TRAPPC8: variants seen among roughly 807,000 people sequenced by gnomAD.
TRAPPC8 encodes the protein general sporulation gene 1 homolog.
In TRAPPC8, 54 loss-of-function variants were observed where a neutral mutation model predicts 174.3. The ratio of observed to expected loss-of-function variants is 0.31; its 90% CI spans 0.25 to 0.39. The LOEUF is 0.39. Among genes scored for constraint, TRAPPC8 ranks in the 10% least tolerant of loss-of-function variants. TRAPPC8 has a pLI of 1.00. For synonymous variants in TRAPPC8, 630 were observed against 579.9 expected (o/e 1.09, Z -1.24); for missense variants, 1,531 against 1,699.1 (o/e 0.90, Z 1.74).
chr18:31,873,007 C>CTTTTTTTTTTT (rs59209328), intron 14 of TRAPPC8, among the ~76,000 whole-genome samples: 2 of 74,600 alleles, frequency 2.7e-5, no homozygotes, highest in Admixed American at 1.5e-4. Context: ...ATTCATTTTC[C>CTTTTTTTTTTT]TTTTTTTTTT....
intron 1 of TRAPPC8, among the ~76,000 whole-genome samples, chr18:31,940,849 C>T (rs2038304815): frequency 6.6e-6 from 1 of 152,166 alleles, no homozygotes; most frequent in South Asian, 2.1e-4. Context: ...TTAGACAGCA[C>T]TGCTCTATGG....
intron 27 of TRAPPC8, among the ~76,000 whole-genome samples, chr18:31,835,945 G>C (rs1395591366): frequency 3.3e-5 from 5 of 152,176 alleles, no homozygotes; most frequent in Admixed American, 2.0e-4. Flanking sequence ...GCACAGACGG[G>C]AACCCAAGTT....
At chr18:31,846,614 C>A in intron 26 of TRAPPC8, 102 bp downstream of exon 26, 4 of 882,002 alleles carry the variant, frequency 4.5e-6, no homozygotes, top group South Asian at 1.9e-5. Context: ...AAAACCTGAA[C>A]AAACCAGACC....
intron 18 of TRAPPC8, among the ~76,000 whole-genome samples, chr18:31,865,542 ACT>A (rs1027716549): frequency 6.6e-6 from 1 of 151,814 alleles, no homozygotes; most frequent in African/African-American, 2.4e-5. Flanking sequence ...AATCATGAAA[ACT>A]CTGCTTAGAA....
At chr18:31,873,248 ACCT>A (rs1402247619) in intron 14 of TRAPPC8, among the ~76,000 whole-genome samples, 179 bp downstream of exon 14, 1 of 151,942 alleles carries the variant, frequency 6.6e-6, no homozygotes, top group Non-Finnish European at 1.5e-5. Context: ...CGATCTCCTG[ACCT>A]CATGATCTGC....
intron 2 of TRAPPC8, among the ~76,000 whole-genome samples, chr18:31,920,108 A>T (rs2037320687): frequency 6.6e-6 from 1 of 152,214 alleles, no homozygotes; most frequent in South Asian, 2.1e-4. Context: ...ATTATCGTTA[A>T]ATAGAAAGGG....
At chr18:31,832,564 T>A (rs1395607682) in intron 27 of TRAPPC8, 1 of 152,254 alleles carries the variant, frequency 6.6e-6, no homozygotes, top group Non-Finnish European at 1.5e-5. Context: ...TAAAAATTAC[T>A]TAATTTTGAG....
chr18:31,849,928 C>G lies in TRAPPC8; in HGVS notation c.3562-189G>C, dbSNP rs114863384. ...AATACAGGGAGGCCACTTGAACATT[C>G]AAAAGATTTGGTACAAATTACCCTA... On this transcript the variant is annotated intron_variant, in intron 24 of 28. Coordinates refer to ENST00000283351, the MANE Select transcript of TRAPPC8 (RefSeq NM_014939.5). 7.2e-3 allele frequency among the ~76,000 whole-genome samples: 1,099 copies of G among 151,762 alleles called. 14 individuals are homozygous for G. Among genetic ancestry groups the G allele is most frequent in the African/African-American group, 0.025 (1,054 of 41,386 alleles).
chr18:31,932,068 ACT>A (rs1286767279), intron 1 of TRAPPC8, among the ~76,000 whole-genome samples: 3 of 151,968 alleles, frequency 2.0e-5, no homozygotes, highest in South Asian at 2.1e-4. Flanking sequence ...GTATGTAGAA[ACT>A]CTCTGTACTT....
chr18:31,942,399 A>C (rs757687879), intron 1 of TRAPPC8, among the ~76,000 whole-genome samples: 2 of 152,202 alleles, frequency 1.3e-5, no homozygotes, highest in Non-Finnish European at 1.5e-5. Flanking sequence ...AAGTGCCCAG[A>C]GAAACTGGAG....
intron 12 of TRAPPC8, among the ~76,000 whole-genome samples, chr18:31,882,191 T>C (rs760465727): frequency 3.1e-4 from 47 of 152,114 alleles, no homozygotes; most frequent in Non-Finnish European, 6.3e-4. Context: ...AGTAAAAACA[T>C]GGAATCAACC....
At chr18:31,839,147 G>C (rs1392625410) in intron 27 of TRAPPC8, among the ~76,000 whole-genome samples, 165 bp downstream of exon 27, 1 of 152,094 alleles carries the variant, frequency 6.6e-6, no homozygotes, top group African/African-American at 2.4e-5. Flanking sequence ...ATCTTTAACT[G>C]ATATTGTCTA....
At chr18:31,831,818 C>T (rs999067697) in intron 28 of TRAPPC8, among the ~76,000 whole-genome samples, 5 of 151,900 alleles carry the variant, frequency 3.3e-5, no homozygotes, top group African/African-American at 1.2e-4. Flanking sequence ...TTCTGAATTC[C>T]CAAAAGCATT....
In TRAPPC8 at chr18:31,880,081, G is replaced by GAAAAAAAAAAAAAA. The variant is rs749972515; in HGVS notation, c.1729-5378_1729-5377insTTTTTTTTTTTTTT. Reference sequence around the variant, plus strand: ...TGGTACCAATTTTACTGAAACTATTGAAAAAAAAAATATATATATATATAT... The same window carrying GAAAAAAAAAAAAAA: ...TGGTACCAATTTTACTGAAACTATTGAAAAAAAAAAAAAAAAAAAAAAAATATATATATATATAT... On this transcript the variant is annotated intron_variant, in intron 12 of 28. Transcript: ENST00000283351. Among the ~76,000 whole-genome samples, 10 of 52,700 alleles carry GAAAAAAAAAAAAAA rather than the reference G, an allele frequency of 1.9e-4. 1 individual carries two copies. Among genetic ancestry groups the GAAAAAAAAAAAAAA allele is most frequent in the African/African-American group, 9.4e-4 (10 of 10,658 alleles). The allele number at this position is 52,700 out of a possible 152,430, so 34.6% of individuals were successfully genotyped here.
chr18:31,863,956 TATACTAAAGTATA>T (rs151268112), intron 19 of TRAPPC8, among the ~76,000 whole-genome samples: 5,188 of 150,322 alleles, frequency 0.035, 314 homozygotes, highest in African/African-American at 0.12. Context: ...CTTGTTCTAT[TATACTAAAGTATA>T]ATACTAAAGT....
rs1005631672 is a variant in TRAPPC8 at position 31,847,456 on chromosome 18, C to A, written c.3736-639G>T. 2.6e-5 allele frequency among the ~76,000 whole-genome samples: 4 copies of A among 152,224 alleles called. No homozygotes were observed. The South Asian group carries it at 8.3e-4, about 32-fold the overall frequency. ...GTCATTATCACATTATGTGCAAACACAAAGGCTTAATTTTTTTGACAAGCC... is the reference window on the plus strand; with the variant it reads ...GTCATTATCACATTATGTGCAAACAAAAAGGCTTAATTTTTTTGACAAGCC... On this transcript the variant is annotated intron_variant, in intron 25 of 28. Transcript: ENST00000283351.
At chr18:31,835,384 T>C (rs1234909211) in intron 27 of TRAPPC8, among the ~76,000 whole-genome samples, 5 of 152,198 alleles carry the variant, frequency 3.3e-5, no homozygotes, top group Non-Finnish European at 7.3e-5. Flanking sequence ...CAACTCCAAG[T>C]CTTGTCATCA....
chr18:31,832,113 G>A lies in TRAPPC8; in HGVS notation c.4044C>T (p.Val1348=). 6.4e-7 allele frequency: 1 copy of A among 1,558,758 alleles called. No individual in the cohort carries two copies. The highest frequency in any genetic ancestry group is 1.2e-5 in the South Asian group (1 of 80,498). The change falls in exon 28 of 29, where the codon GTC becomes GTT. Residue 1348 remains valine, a synonymous_variant. Coordinates refer to ENST00000283351, the MANE Select transcript of TRAPPC8 (RefSeq NM_014939.5). ...TTGTTTTATGCCGAAGATCAACTAT[G>A]ACATCTACATCAGCCTTAGAACAAT... ...LSNCSKADVD[V]IVDLRHKTTS...
At position 31,830,628 on chromosome 18, in the gene TRAPPC8, G is replaced by T; in HGVS notation, c.*127C>A. 1.3e-6 allele frequency: 1 copy of T among 746,476 alleles called. No individual in the cohort carries two copies. The highest frequency in any genetic ancestry group is 2.1e-6 in the Non-Finnish European group (1 of 468,808). 46.2% of individuals were successfully genotyped at this position (746,476 alleles called of 1,614,324 possible). A position where few individuals can be genotyped will look rare whatever the true frequency, so the allele number is the denominator to read the frequency against. On this transcript the variant is annotated 3_prime_UTR_variant, in exon 29 of 29. Coordinates refer to ENST00000283351, the MANE Select transcript of TRAPPC8 (RefSeq NM_014939.5). ...CTTTGCATCATCAACAAAATGACAA[G>T]TCAAAGTATTTTGCAGGGATCAGAT...
Sources: gnomAD v4.1 joint callset for allele counts (sites outside exome capture counted in the v4.1 genomes callset) on GRCh38, gnomAD v4.1.1 for gene constraint, MANE v1.5 for transcripts, NCBI Gene and HGNC (gene_info 2026-07-23, HGNC 2026-07-21) for gene names.